Variants in MACROH2A2 observed in about 807,000 individuals in gnomAD.
MACROH2A2 encodes macroH2A.2 histone, also known as core histone macro-H2A.2.
A neutral mutation model predicts 37.6 loss-of-function variants in MACROH2A2; 6 were observed. The ratio of observed to expected loss-of-function variants is 0.16; its 90% CI spans 0.09 to 0.32. MACROH2A2 has a LOEUF of 0.32. Ranked by LOEUF, MACROH2A2 falls within the 10% of genes least tolerant of loss-of-function variation. The probability of loss-of-function intolerance (pLI) is 1.00; values close to 1 mark genes in which losing one functional copy is unlikely to be tolerated. For missense variants in MACROH2A2, 290 were observed against 485.9 expected, an observed-to-expected ratio of 0.60 and a Z score of 3.79; for synonymous variants, 192 against 202.7, an observed-to-expected ratio of 0.95 and a Z score of 0.45.
At position 70,080,485 on chromosome 10, in the gene MACROH2A2, G is replaced by A. The variant is rs770612446; in HGVS notation, c.172+4655G>A. ...GCAGAGTGGCTCATGCCTGTAATCC[G>A]AACACTTTGGGAGGCCAAAGTAGGA... On this transcript the variant is annotated intron_variant, in intron 2 of 8. Coordinates refer to ENST00000373255, the MANE Select transcript of MACROH2A2 (RefSeq NM_018649.3). Among the ~76,000 whole-genome samples, 3 of 151,946 alleles carry A rather than the reference G, an allele frequency of 2.0e-5. No homozygotes were observed. The South Asian group carries it at 6.2e-4, about 32-fold the overall frequency.
intron 1 of MACROH2A2, among the ~76,000 whole-genome samples, chr10:70,070,947 G>C (rs1324665691): frequency 2.6e-5 from 4 of 151,746 alleles, no homozygotes; most frequent in Non-Finnish European, 5.9e-5. Flanking sequence ...GTCATTCTCT[G>C]GCTGTTTTGA....
At chr10:70,060,923 G>A (rs761622540) in intron 1 of MACROH2A2, among the ~76,000 whole-genome samples, 9 of 151,032 alleles carry the variant, frequency 6.0e-5, no homozygotes, top group African/African-American at 9.7e-5. Context: ...TGTCAAGGCC[G>A]CAGTGAGCTG....
intron 7 of MACROH2A2, among the ~76,000 whole-genome samples, chr10:70,102,701 A>G (rs1339958853): frequency 6.6e-6 from 1 of 152,062 alleles, no homozygotes; most frequent in Non-Finnish European, 1.5e-5. Context: ...TGGGCAACAG[A>G]GAAAGATTCT....
chr10:70,073,823 C>A (rs1179393993), intron 1 of MACROH2A2, among the ~76,000 whole-genome samples: 3 of 152,086 alleles, frequency 2.0e-5, no homozygotes, highest in Non-Finnish European at 2.9e-5. Flanking sequence ...TTAATATCTT[C>A]TTCTGTCATA....
intron 2 of MACROH2A2, among the ~76,000 whole-genome samples, chr10:70,081,206 A>G (rs1336619979): frequency 1.3e-5 from 2 of 152,024 alleles, no homozygotes; most frequent in African/African-American, 4.8e-5. Context: ...TTTACCATTC[A>G]TGATGTTACT....
chr10:70,085,123 T>C (rs2072203039), intron 2 of MACROH2A2, among the ~76,000 whole-genome samples: 1 of 152,020 alleles, frequency 6.6e-6, no homozygotes, highest in South Asian at 2.1e-4. Context: ...TGGAAGGAGA[T>C]GGGGAGTGGG....
rs182288960 is a variant in MACROH2A2, at chr10:70,053,395, G to A, written c.-60+395G>A. 4.0e-5 allele frequency among the ~76,000 whole-genome samples: 6 copies of A among 151,468 alleles called. No homozygotes were observed. Among genetic ancestry groups the A allele is most frequent in the Admixed American group, 3.9e-4 (6 of 15,272 alleles). On this transcript the variant is annotated intron_variant, in intron 1 of 8. Transcript: ENST00000373255. This position sits in a 1 kb window ranked among gnomAD's most constrained non-coding sequence, Gnocchi z 4.8. ...GGCGCAGGAGCGGGAGGACGGAGGC[G>A]CCCGGCCGCCGATGGGCACGGGGCG...
intron 8 of MACROH2A2, among the ~76,000 whole-genome samples, chr10:70,109,424 A>G (rs919340088): frequency 1.3e-5 from 2 of 152,218 alleles, no homozygotes; most frequent in African/African-American, 4.8e-5. Context: ...GGCTGGGGCC[A>G]GCCCCAGTGC....
chr10:70,075,352 T>C lies in MACROH2A2; in HGVS notation c.-59-248T>C, dbSNP rs533219992. ...CCGAGACCTCCCTATTCAGTGACAG[T>C]TTTCTGTGGCCTTTCCTCTTGAGGT... is the stretch of plus-strand genomic sequence containing the variant. On this transcript the variant is annotated intron_variant, in intron 1 of 8. Transcript: ENST00000373255. The surrounding 1 kb of genome is among the most constrained non-coding windows in gnomAD (Gnocchi z 5.0). Among the ~76,000 whole-genome samples, 2 of 152,212 alleles carry C rather than the reference T, an allele frequency of 1.3e-5. No individual in the cohort carries two copies. The highest frequency in any genetic ancestry group is 4.2e-4 in the South Asian group (2 of 4,814).
At chr10:70,060,734 T>C (rs182731479) in intron 1 of MACROH2A2, among the ~76,000 whole-genome samples, 1 of 152,338 alleles carries the variant, frequency 6.6e-6, no homozygotes, top group East Asian at 1.9e-4. Flanking sequence ...AACAATAAAC[T>C]GCATTACTAA....
chr10:70,055,032 C>T (rs1380407578), intron 1 of MACROH2A2, among the ~76,000 whole-genome samples: 6 of 152,232 alleles, frequency 3.9e-5, no homozygotes, highest in African/African-American at 1.4e-4. Context: ...TCTGACCCTA[C>T]TCCCTCACCA....
chr10:70,088,177 A>G (rs10762336), intron 2 of MACROH2A2, among the ~76,000 whole-genome samples: 59,971 of 147,270 alleles, frequency 0.41, 12,768 homozygotes, highest in African/African-American at 0.54. Flanking sequence ...ACACACACGC[A>G]CACATATGCC....
intron 1 of MACROH2A2, among the ~76,000 whole-genome samples, chr10:70,069,794 T>G (rs1266819486): frequency 6.6e-6 from 1 of 152,058 alleles, no homozygotes; most frequent in Admixed American, 6.5e-5. Flanking sequence ...AGACTCCAAT[T>G]ACCAGGATGT....
intron 1 of MACROH2A2, among the ~76,000 whole-genome samples, chr10:70,071,375 C>G (rs2394638): frequency 1.3e-5 from 2 of 151,992 alleles, no homozygotes; most frequent in Non-Finnish European, 2.9e-5. Context: ...GTCTTTAGAA[C>G]CGACTGCTTA....
At chr10:70,065,022 CT>C (rs1186644326) in intron 1 of MACROH2A2, among the ~76,000 whole-genome samples, 139 of 136,924 alleles carry the variant, frequency 1.0e-3, no homozygotes, top group Admixed American at 1.9e-3. Context: ...GTCCTTCATT[CT>C]TTTTTTTTTT....
intron 2 of MACROH2A2, among the ~76,000 whole-genome samples, chr10:70,077,113 C>T (rs956947245): frequency 3.3e-5 from 5 of 152,128 alleles, no homozygotes; most frequent in Non-Finnish European, 5.9e-5. Flanking sequence ...AGTGGGGTCA[C>T]GCAGGGATCT....
chr10:70,112,128 CTTTTGTT>C lies in MACROH2A2; in HGVS notation c.*448_*454del, dbSNP rs2072380588. 1 of 152,490 alleles carries C rather than the reference CTTTTGTT, an allele frequency of 6.6e-6. No individual in the cohort carries two copies. Among genetic ancestry groups the C allele is most frequent in the Admixed American group, 6.6e-5 (1 of 15,250 alleles). The allele number at this position is 152,490 out of a possible 1,614,324, so 9.4% of individuals were successfully genotyped here. On this transcript the variant is annotated 3_prime_UTR_variant, in exon 9 of 9. Coordinates refer to ENST00000373255, the MANE Select transcript of MACROH2A2 (RefSeq NM_018649.3). ...AAAGACATCTCACTGGTGCTTTTCT[CTTTTGTT>C]TTAGTGCCCCCCGCCCCCATCCCTA...
Position 70,079,551 on chromosome 10 carries a change from T to TCCCG in MACROH2A2, c.172+3722_172+3723insCCGC, listed in dbSNP as rs1554822084. Among the ~76,000 whole-genome samples, 56 of 114,158 alleles carry TCCCG rather than the reference T, an allele frequency of 4.9e-4. 1 individual carries two copies. Among genetic ancestry groups the TCCCG allele is most frequent in the East Asian group, 5.2e-4 (2 of 3,836 alleles). The allele number at this position is 114,158 out of a possible 152,430, so 74.9% of individuals were successfully genotyped here. ...GGCCCTTGAAGGCCACGTTGAGGGT[T>TCCCG]CGCGCGCGCGCGCGCACACACACAC... On this transcript the variant is annotated intron_variant, in intron 2 of 8. Coordinates refer to ENST00000373255, the MANE Select transcript of MACROH2A2 (RefSeq NM_018649.3).
At chr10:70,073,215 C>T (rs1259032986) in intron 1 of MACROH2A2, among the ~76,000 whole-genome samples, 2 of 152,210 alleles carry the variant, frequency 1.3e-5, no homozygotes, top group Non-Finnish European at 2.9e-5. Context: ...CTTAGCAATG[C>T]TGTCTGTTTC....
Sources: allele counts gnomAD v4.1 joint callset (sites outside exome capture counted in the v4.1 genomes callset), GRCh38; gene constraint gnomAD v4.1.1; non-coding constraint Gnocchi (gnomAD v3.1); transcripts MANE v1.5; gene names NCBI Gene and HGNC (gene_info 2026-07-23, HGNC 2026-07-21).